Variants in TMEM120B observed in about 807,000 individuals in gnomAD.
TMEM120B encodes the protein transmembrane protein 120B.
A neutral mutation model predicts 55.5 loss-of-function variants in TMEM120B; 31 were observed. The observed-to-expected ratio is 0.56, with a 90% CI of 0.42 to 0.75. TMEM120B has a LOEUF of 0.75. Among genes scored for constraint, TMEM120B ranks in the 30% least tolerant of loss-of-function variants. TMEM120B has a pLI of 0.00. For missense variants in TMEM120B, 399 were observed against 425.5 expected (o/e 0.94, Z 0.55); for synonymous variants, 203 against 176.3 (o/e 1.15, Z -1.20).
intron 1 of TMEM120B, among the ~76,000 whole-genome samples, chr12:121,742,085 C>T (rs1174213899): frequency 1.3e-5 from 2 of 152,014 alleles, no homozygotes; most frequent in African/African-American, 4.8e-5. Context: ...TCACTGCAAC[C>T]TCCGACTCCC....
At chr12:121,717,733 C>A (rs987496940) in intron 1 of TMEM120B, among the ~76,000 whole-genome samples, 3 of 152,234 alleles carry the variant, frequency 2.0e-5, no homozygotes, top group Non-Finnish European at 2.9e-5. Context: ...TCTCAGCTCA[C>A]CACAACCTCC....
chr12:121,720,625 C>A (rs1234393830), intron 1 of TMEM120B, among the ~76,000 whole-genome samples: 1 of 151,968 alleles, frequency 6.6e-6, no homozygotes, highest in Non-Finnish European at 1.5e-5. Flanking sequence ...AGAGGAGGAT[C>A]GCCTGAGCCC....
chr12:121,726,777 C>T (rs1894903534), intron 1 of TMEM120B, among the ~76,000 whole-genome samples: 1 of 151,038 alleles, frequency 6.6e-6, no homozygotes, highest in African/African-American at 2.4e-5. Flanking sequence ...CATGGAGGTA[C>T]GTGCCTGTAA....
chr12:121,766,054 C>A (rs1235605317), intron 6 of TMEM120B, among the ~76,000 whole-genome samples: 3 of 152,248 alleles, frequency 2.0e-5, no homozygotes, highest in African/African-American at 7.2e-5. Context: ...GGTCCTGGGG[C>A]CATCACGGCA....
At chr12:121,726,636 C>T (rs1212818088) in intron 1 of TMEM120B, among the ~76,000 whole-genome samples, 2 of 149,334 alleles carry the variant, frequency 1.3e-5, no homozygotes, top group Non-Finnish European at 3.0e-5. Context: ...TGCAGGGGCT[C>T]ATTCATGCCT....
chr12:121,743,886 A>C (rs770544133), intron 2 of TMEM120B, 139 bp downstream of exon 2: 38 of 635,922 alleles, frequency 6.0e-5, no homozygotes, highest in East Asian at 2.8e-5. Context: ...TGGATCCAGG[A>C]GTCAAAGGGT....
At chr12:121,725,464 A>G (rs1175970542) in intron 1 of TMEM120B, among the ~76,000 whole-genome samples, 1 of 152,168 alleles carries the variant, frequency 6.6e-6, no homozygotes, top group Non-Finnish European at 1.5e-5. Flanking sequence ...TGACCCAGCA[A>G]TTCCATTCCT....
In TMEM120B at chr12:121,777,815, C is replaced by A. The variant is rs1592953390; in HGVS notation, c.*2093C>A. The stretch of plus-strand genomic sequence containing the variant: ...GCTGTGGCCAGATGTGGCCCACAGG[C>A]TGTAGTTGTTGGACCTCTACCGTAG... On this transcript the variant is annotated 3_prime_UTR_variant, in exon 12 of 12. Coordinates refer to ENST00000449592, the MANE Select transcript of TMEM120B (RefSeq NM_001080825.2). 2 of 152,340 alleles carry A rather than the reference C, an allele frequency of 1.3e-5. No homozygotes were observed. Among genetic ancestry groups the A allele is most frequent in the Non-Finnish European group, 2.9e-5 (2 of 68,048 alleles). 9.4% of individuals were successfully genotyped at this position (152,340 alleles called of 1,614,324 possible). A position where few individuals can be genotyped will look rare whatever the true frequency, so the allele number is the denominator to read the frequency against.
At chr12:121,723,541 C>A (rs995290511) in intron 1 of TMEM120B, among the ~76,000 whole-genome samples, 1 of 152,146 alleles carries the variant, frequency 6.6e-6, no homozygotes, top group Non-Finnish European at 1.5e-5. Context: ...GGCAGCAGAA[C>A]AGGGAGGAGG....
chr12:121,742,866 C>T (rs566911992), intron 1 of TMEM120B, among the ~76,000 whole-genome samples: 1 of 152,208 alleles, frequency 6.6e-6, no homozygotes, highest in Non-Finnish European at 1.5e-5. Flanking sequence ...TGAGCCAGCG[C>T]GTCCGGCCAG....
At chr12:121,772,093 C>CTCTCTT (rs1555333080) in intron 8 of TMEM120B, among the ~76,000 whole-genome samples, 11 of 135,154 alleles carry the variant, frequency 8.1e-5, no homozygotes, top group African/African-American at 3.4e-4. Context: ...CTTTCTCTCT[C>CTCTCTT]TCTCTCTTTC....
chr12:121,760,116 C>T (rs888616366), intron 5 of TMEM120B, among the ~76,000 whole-genome samples: 1 of 127,324 alleles, frequency 7.9e-6, no homozygotes, highest in African/African-American at 3.1e-5. Context: ...GGCCCCAGAG[C>T]GAAACTACGT....
intron 1 of TMEM120B, among the ~76,000 whole-genome samples, chr12:121,741,787 C>T (rs1396851928): frequency 2.0e-5 from 3 of 151,986 alleles, no homozygotes; most frequent in Admixed American, 1.3e-4. Context: ...CGTGAGCCAC[C>T]ATGCCCAACT....
intron 5 of TMEM120B, among the ~76,000 whole-genome samples, chr12:121,753,668 C>G (rs1873397245): frequency 6.6e-6 from 1 of 150,662 alleles, no homozygotes; most frequent in Non-Finnish European, 1.5e-5. Flanking sequence ...TTTAAAAGAA[C>G]AAGTTTTATG....
At chr12:121,713,292 A>G (rs1894635532) in intron 1 of TMEM120B, among the ~76,000 whole-genome samples, 1 of 152,138 alleles carries the variant, frequency 6.6e-6, no homozygotes, top group African/African-American at 2.4e-5. Context: ...TGGTTCAAAG[A>G]GAACAGCCCA....
intron 1 of TMEM120B, among the ~76,000 whole-genome samples, chr12:121,716,565 C>CTT (rs56037685): frequency 0.065 from 8,073 of 124,690 alleles, 637 homozygotes; most frequent in African/African-American, 0.17. Context: ...TTTTTTCTTT[C>CTT]TTTTTTTTTT....
intron 9 of TMEM120B, 124 bp downstream of exon 9, chr12:121,773,637 G>C (rs1363483287): frequency 1.5e-6 from 1 of 683,012 alleles, no homozygotes; most frequent in Non-Finnish European, 2.3e-6. Flanking sequence ...TTTATCCGAA[G>C]CGCCTTCCAG....
intron 1 of TMEM120B, among the ~76,000 whole-genome samples, chr12:121,717,765 C>T (rs1190273728): frequency 6.6e-6 from 1 of 152,204 alleles, no homozygotes; most frequent in African/African-American, 2.4e-5. Flanking sequence ...TCAAGCGATT[C>T]TCCTGCCTCA....
chr12:121,720,693 C>T (rs977312214), intron 1 of TMEM120B, among the ~76,000 whole-genome samples: 2 of 151,648 alleles, frequency 1.3e-5, no homozygotes, highest in African/African-American at 4.8e-5. Context: ...CCAGACTGGG[C>T]GACAGAGTAA....
Sources: allele counts gnomAD v4.1 joint callset (sites outside exome capture counted in the v4.1 genomes callset), GRCh38; gene constraint gnomAD v4.1.1; transcripts MANE v1.5; gene names NCBI Gene and HGNC (gene_info 2026-07-23, HGNC 2026-07-21).